LRMDA: variants seen among roughly 807,000 people sequenced by gnomAD.
LRMDA encodes the protein leucine-rich melanocyte differentiation-associated protein.
Under a neutral mutation model 29.8 loss-of-function variants are expected in LRMDA, and 18 were observed. That is an observed-to-expected ratio of 0.60 (90% CI 0.42 to 0.90). LRMDA has a LOEUF of 0.90. Among genes scored for constraint, LRMDA ranks in the 40% least tolerant of loss-of-function variants. The pLI, the probability that LRMDA is intolerant of heterozygous loss-of-function variation, is 0.00. For synonymous variants in LRMDA, 125 were observed against 109.4 expected (o/e 1.14, Z -0.89); for missense variants, 273 against 273.9 (o/e 1.00, Z 0.02).
At chr10:75,525,594 T>TTC (rs1010268000) in intron 2 of LRMDA, among the ~76,000 whole-genome samples, 17 of 135,756 alleles carry the variant, frequency 1.3e-4, no homozygotes, top group East Asian at 4.3e-4. Flanking sequence ...CTTTCTTTCT[T>TTC]TTTTTTTTTT....
intron 2 of LRMDA, among the ~76,000 whole-genome samples, chr10:75,659,057 C>A (rs1308547867): frequency 6.6e-6 from 1 of 152,224 alleles, no homozygotes; most frequent in East Asian, 1.9e-4. Flanking sequence ...CTGGGACCAG[C>A]TGAGAAGGGC....
At chr10:76,096,194 A>G (rs977355002) in intron 5 of LRMDA, among the ~76,000 whole-genome samples, 2 of 152,184 alleles carry the variant, frequency 1.3e-5, no homozygotes, top group Non-Finnish European at 2.9e-5. Flanking sequence ...AGTCTTGGCT[A>G]ATAAAAGATT....
At chr10:75,782,945 T>C (rs554068070) in intron 2 of LRMDA, 215 of 1,613,572 alleles carry the variant, frequency 1.3e-4, no homozygotes, top group Non-Finnish European at 1.8e-4. Context: ...CCATCAAGAA[T>C]TTGAATGTCA....
At chr10:76,409,033 A>G (rs1476536172) in intron 6 of LRMDA, among the ~76,000 whole-genome samples, 4 of 152,180 alleles carry the variant, frequency 2.6e-5, no homozygotes, top group Admixed American at 6.5e-5. Flanking sequence ...CATTACTACC[A>G]TCTGGAGACT....
intron 2 of LRMDA, among the ~76,000 whole-genome samples, chr10:75,628,238 G>A (rs879519321): frequency 2.0e-5 from 3 of 152,228 alleles, no homozygotes; most frequent in Non-Finnish European, 2.9e-5. Flanking sequence ...TCTCAGAGTA[G>A]GATGATAGTG....
chr10:76,166,282 TA>T (rs2132185589), intron 5 of LRMDA, among the ~76,000 whole-genome samples: 1 of 152,366 alleles, frequency 6.6e-6, no homozygotes, highest in South Asian at 2.1e-4. Context: ...GGTTCTTTGT[TA>T]AAATGGTACT....
intron 2 of LRMDA, among the ~76,000 whole-genome samples, chr10:75,612,145 C>T (rs1687506910): frequency 6.6e-6 from 1 of 152,074 alleles, no homozygotes; most frequent in Non-Finnish European, 1.5e-5. Context: ...TTTGGAAATA[C>T]CCAGGGGGTT....
At chr10:75,485,222 A>G (rs1045675237) in intron 2 of LRMDA, among the ~76,000 whole-genome samples, 7 of 152,156 alleles carry the variant, frequency 4.6e-5, no homozygotes, top group Non-Finnish European at 8.8e-5. Flanking sequence ...GTTTTCAAAT[A>G]TATTGCAATA....
chr10:75,649,008 C>T (rs1208017998), intron 2 of LRMDA, among the ~76,000 whole-genome samples: 1 of 152,188 alleles, frequency 6.6e-6, no homozygotes, highest in Non-Finnish European at 1.5e-5. Context: ...GTATACAGTT[C>T]AGTGGCATTA....
At chr10:76,463,147 TC>T (rs1198818445) in intron 6 of LRMDA, among the ~76,000 whole-genome samples, 2 of 152,098 alleles carry the variant, frequency 1.3e-5, no homozygotes, top group African/African-American at 4.8e-5. Flanking sequence ...CCTTCTTTGA[TC>T]AGCACTTCTC....
At chr10:76,398,050 A>C (rs1353457632) in intron 6 of LRMDA, among the ~76,000 whole-genome samples, 1 of 152,158 alleles carries the variant, frequency 6.6e-6, no homozygotes, top group Non-Finnish European at 1.5e-5. Flanking sequence ...GTTCTATTCT[A>C]CTGTTGCCAG....
intron 2 of LRMDA, among the ~76,000 whole-genome samples, chr10:76,023,183 G>A (rs11001590): frequency 0.34 from 51,973 of 151,674 alleles, 9,970 homozygotes; most frequent in Non-Finnish European, 0.43. Flanking sequence ...GCAGGCGATC[G>A]GCTTGGAAAG....
chr10:76,133,713 G>C (rs373343746), intron 5 of LRMDA, among the ~76,000 whole-genome samples: 9 of 152,180 alleles, frequency 5.9e-5, no homozygotes, highest in South Asian at 2.1e-4. Flanking sequence ...TCAATTACTC[G>C]ACGACATGTG....
chr10:75,501,800 C>T (rs1309517556), intron 2 of LRMDA, among the ~76,000 whole-genome samples: 4 of 152,124 alleles, frequency 2.6e-5, no homozygotes, highest in South Asian at 2.1e-4. Context: ...AGTGACTTAA[C>T]GTGATCCAAG....
chr10:76,184,337 C>T (rs1851108538), intron 5 of LRMDA, among the ~76,000 whole-genome samples: 1 of 152,086 alleles, frequency 6.6e-6, no homozygotes, highest in Admixed American at 6.6e-5. Flanking sequence ...GGACCCGGCC[C>T]TACATCTTTT....
At chr10:76,278,522 C>T (rs1238642710) in intron 5 of LRMDA, among the ~76,000 whole-genome samples, 2 of 152,244 alleles carry the variant, frequency 1.3e-5, no homozygotes, top group Admixed American at 1.3e-4. Context: ...ACTGTCTTAT[C>T]CCGACCTTGA....
chr10:76,132,090 G>T (rs1453916368), intron 5 of LRMDA, among the ~76,000 whole-genome samples: 2 of 152,200 alleles, frequency 1.3e-5, no homozygotes, highest in South Asian at 2.1e-4. Flanking sequence ...TCTTCCACTT[G>T]TGAGGTTGGT....
At chr10:75,787,857 G>C (rs1027994105) in intron 2 of LRMDA, among the ~76,000 whole-genome samples, 1 of 152,154 alleles carries the variant, frequency 6.6e-6, no homozygotes, top group Non-Finnish European at 1.5e-5. Context: ...GTGAAACTCC[G>C]TTTCTACTAA....
intron 5 of LRMDA, among the ~76,000 whole-genome samples, chr10:76,156,394 C>A (rs1053001914): frequency 2.0e-5 from 3 of 152,214 alleles, no homozygotes; most frequent in Admixed American, 6.5e-5. Context: ...ATAAATTAGA[C>A]CCAGCCAAAG....
Sources: gnomAD v4.1 joint callset for allele counts (sites outside exome capture counted in the v4.1 genomes callset) on GRCh38, gnomAD v4.1.1 for gene constraint, MANE v1.5 for transcripts, NCBI Gene and HGNC (gene_info 2026-07-23, HGNC 2026-07-21) for gene names.